MAP3K2: variants seen among roughly 807,000 people sequenced by gnomAD.
MAP3K2 encodes the protein MAP/ERK kinase kinase 2.
A neutral mutation model predicts 80.3 loss-of-function variants in MAP3K2; 24 were observed. That is an observed-to-expected ratio of 0.30 (90% CI 0.22 to 0.42). The LOEUF is 0.42. Among genes scored for constraint, MAP3K2 ranks in the 10% least tolerant of loss-of-function variants. The pLI, the probability that MAP3K2 is intolerant of heterozygous loss-of-function variation, is 1.00. For synonymous variants in MAP3K2, 244 were observed against 253.7 expected (o/e 0.96, Z 0.36); for missense variants, 608 against 750.1 (o/e 0.81, Z 2.21).
chr2:127,318,175 G>A lies in MAP3K2; in HGVS notation c.1188C>T (p.Thr396=), dbSNP rs1488616108. Reference sequence around the variant, plus strand: ...TTTGTGCAGTGATTTTTACCTTGCTGGTCTCAGGACTATCGGGGTCAAATT... The same window carrying A: ...TTTGTGCAGTGATTTTTACCTTGCTAGTCTCAGGACTATCGGGGTCAAATT... ...QVQFDPDSPE[T]SKEVNALECE... is the part of the protein sequence containing the mutation. The change falls in exon 13 of 17, where the codon ACC becomes ACT. Residue 396 remains threonine, a synonymous_variant. Coordinates refer to ENST00000682094, the MANE Select transcript of MAP3K2 (RefSeq NM_001371910.2). 3 of 1,588,646 alleles carry A rather than the reference G, an allele frequency of 1.9e-6. No homozygotes were observed. The highest frequency in any genetic ancestry group is 2.6e-6 in the Non-Finnish European group (3 of 1,170,698).
chr2:127,365,918 G>C (rs1686962994), intron 1 of MAP3K2, among the ~76,000 whole-genome samples: 1 of 152,016 alleles, frequency 6.6e-6, no homozygotes, highest in Admixed American at 6.6e-5. Flanking sequence ...TTTCTTGATT[G>C]AGCCCTTAAA....
chr2:127,383,874 A>ATTT (rs111243354), intron 1 of MAP3K2, among the ~76,000 whole-genome samples: 4,666 of 141,328 alleles, frequency 0.033, 129 homozygotes, highest in Middle Eastern at 0.076. Flanking sequence ...GCAACAAATA[A>ATTT]TTTTTTTTTT....
chr2:127,379,373 T>G (rs1302093809), intron 1 of MAP3K2, among the ~76,000 whole-genome samples: 2 of 152,116 alleles, frequency 1.3e-5, no homozygotes, highest in Non-Finnish European at 1.5e-5. Flanking sequence ...TAAACCTCAT[T>G]TAAAAACCCC....
rs35560058 is a variant in MAP3K2 at position 127,384,213 on chromosome 2, G to GATATATATATATATAT, written c.-66+3223_-66+3238dup. Among the ~76,000 whole-genome samples, 702 of 144,362 alleles carry GATATATATATATATAT rather than the reference G, an allele frequency of 4.9e-3. 4 individuals carry two copies. The highest frequency in any genetic ancestry group is 0.01 in the African/African-American group (405 of 38,842). The allele number at this position is 144,362 out of a possible 152,430, so 94.7% of individuals were successfully genotyped here. A position where few individuals can be genotyped will look rare whatever the true frequency, so the allele number is the denominator to read the frequency against. ...CCCGGCCAACAAATAATTTTTAATT[G>GATATATATATATATAT]ATATATATATATATATATATATTGC... On this transcript the variant is annotated intron_variant, in intron 1 of 16. Coordinates refer to ENST00000682094, the MANE Select transcript of MAP3K2 (RefSeq NM_001371910.2).
chr2:127,337,387 A>G (rs1298160173), intron 4 of MAP3K2, among the ~76,000 whole-genome samples: 1 of 152,220 alleles, frequency 6.6e-6, no homozygotes, highest in Non-Finnish European at 1.5e-5. Flanking sequence ...GCTCACATAT[A>G]TAAATGCTAT....
chr2:127,302,630 G>A lies in MAP3K2; in HGVS notation c.*4949C>T, dbSNP rs1685620403. ...CATTGCCTTAACATTTGTAAACCAT[G>A]TGAATGACTTCTTTAGGGCAAAAAC... On this transcript the variant is annotated 3_prime_UTR_variant, in exon 17 of 17. Transcript: ENST00000682094. 1 of 152,142 alleles carries A rather than the reference G, an allele frequency of 6.6e-6. No homozygotes were observed. The highest frequency in any genetic ancestry group is 1.5e-5 in the Non-Finnish European group (1 of 68,022). The allele number at this position is 152,142 out of a possible 1,614,324, so 9.4% of individuals were successfully genotyped here. A position where few individuals can be genotyped will look rare whatever the true frequency, so the allele number is the denominator to read the frequency against.
intron 5 of MAP3K2, among the ~76,000 whole-genome samples, chr2:127,332,146 G>A (rs1686271058): frequency 6.6e-6 from 1 of 152,102 alleles, no homozygotes; most frequent in Non-Finnish European, 1.5e-5. Flanking sequence ...GAACAAGCCT[G>A]ATCTACTGAT....
chr2:127,352,790 A>G (rs1573998226), intron 1 of MAP3K2, among the ~76,000 whole-genome samples: 1 of 151,060 alleles, frequency 6.6e-6, no homozygotes, highest in Non-Finnish European at 1.5e-5. Context: ...GCTCACTGCA[A>G]CCTCCCTGCC....
intron 1 of MAP3K2, among the ~76,000 whole-genome samples, chr2:127,354,619 A>T (rs1686766072): frequency 6.6e-6 from 1 of 152,114 alleles, no homozygotes; most frequent in Non-Finnish European, 1.5e-5. Flanking sequence ...CAAGACGCAA[A>T]GGATCTGTTT....
intron 1 of MAP3K2, among the ~76,000 whole-genome samples, chr2:127,369,753 C>T (rs540986274): frequency 2.0e-5 from 3 of 152,186 alleles, no homozygotes; most frequent in Non-Finnish European, 4.4e-5. Context: ...AGTCAAGAGT[C>T]TTCCTTTGGC....
chr2:127,385,648 T>C (rs1056763909), intron 1 of MAP3K2, among the ~76,000 whole-genome samples: 4 of 152,204 alleles, frequency 2.6e-5, no homozygotes, highest in African/African-American at 9.7e-5. Context: ...TGGTTTACTA[T>C]TACCAAATTT....
chr2:127,371,165 A>AC (rs1447646172), intron 1 of MAP3K2, among the ~76,000 whole-genome samples: 1 of 152,160 alleles, frequency 6.6e-6, no homozygotes, highest in Non-Finnish European at 1.5e-5. Flanking sequence ...CTTCCGTATG[A>AC]CCCCATGGGA....
intron 1 of MAP3K2, among the ~76,000 whole-genome samples, chr2:127,365,211 T>A (rs1189380464): frequency 6.6e-6 from 1 of 151,054 alleles, no homozygotes; most frequent in Non-Finnish European, 1.5e-5. Flanking sequence ...TACATTTGAT[T>A]TCATCCTTAC....
At chr2:127,318,992 T>A (rs1685960021) in intron 12 of MAP3K2, among the ~76,000 whole-genome samples, 1 of 152,108 alleles carries the variant, frequency 6.6e-6, no homozygotes, top group Non-Finnish European at 1.5e-5. Context: ...AGCTCACACC[T>A]GCTCTAAGTC....
rs2104800495 is a variant in MAP3K2 at position 127,305,979 on chromosome 2, A to G, written c.*1600T>C. ...ATCATGAATTTTAAGGAAAGAATAT[A>G]TAGAGATGGCTGAGTTCAAAAGGCT... On this transcript the variant is annotated 3_prime_UTR_variant, in exon 17 of 17. Transcript: ENST00000682094. 1 of 149,320 alleles carries G rather than the reference A, an allele frequency of 6.7e-6. No homozygotes were observed. The highest frequency in any genetic ancestry group is 2.1e-4 in the South Asian group (1 of 4,718). 9.2% of individuals were successfully genotyped at this position (149,320 alleles called of 1,614,324 possible).
At chr2:127,388,137 C>G, upstream of MAP3K2, 1 of 985,146 alleles carries the variant, frequency 1.0e-6, no homozygotes, top group African/African-American at 1.7e-5. Flanking sequence ...CCGCCCCCAC[C>G]GGCCGGACGG....
At chr2:127,337,878 T>C (rs1371704956) in intron 3 of MAP3K2, 100 bp from the exon 4 acceptor site, 1 of 736,012 alleles carries the variant, frequency 1.4e-6, no homozygotes, top group African/African-American at 1.8e-5. Context: ...TTTTTAGCCA[T>C]TCATTTAAAA....
At chr2:127,340,862 G>A (rs561911210) in intron 2 of MAP3K2, among the ~76,000 whole-genome samples, 11 of 151,886 alleles carry the variant, frequency 7.2e-5, no homozygotes, top group Non-Finnish European at 1.2e-4. Flanking sequence ...ATTTTTATTA[G>A]AAGAAACCTA....
intron 4 of MAP3K2, among the ~76,000 whole-genome samples, chr2:127,336,854 T>C (rs1686382338): frequency 2.6e-5 from 4 of 152,192 alleles, no homozygotes; most frequent in Admixed American, 1.3e-4. Flanking sequence ...TGAAATTCTA[T>C]CATCAGGCTG....
Sources: gnomAD v4.1 joint callset for allele counts (sites outside exome capture counted in the v4.1 genomes callset) on GRCh38, gnomAD v4.1.1 for gene constraint, MANE v1.5 for transcripts, NCBI Gene and HGNC (gene_info 2026-07-23, HGNC 2026-07-21) for gene names.